Variants in DIAPH2 observed in about 807,000 individuals in gnomAD.
The protein encoded by DIAPH2 is protein diaphanous homolog 2.
DIAPH2 carries 35 observed loss-of-function variants against 92.7 expected under a neutral mutation model. That is an observed-to-expected ratio of 0.38 (90% CI 0.29 to 0.50). DIAPH2 has a LOEUF of 0.50. Ranked by LOEUF, DIAPH2 falls within the 20% of genes least tolerant of loss-of-function variation. The pLI, the probability that DIAPH2 is intolerant of heterozygous loss-of-function variation, is 0.94. For synonymous variants in DIAPH2, 301 were observed against 280.4 expected, an observed-to-expected ratio of 1.07 and a Z score of -0.73; for missense variants, 701 against 819.5, an observed-to-expected ratio of 0.86 and a Z score of 1.77.
intron 1 of DIAPH2, among the ~76,000 whole-genome samples, chrX:96,723,081 A>G (rs930837990): frequency 3.6e-5 from 4 of 111,676 alleles, no homozygotes; most frequent in African/African-American, 1.3e-4. Flanking sequence ...CTTCCTAAAA[A>G]AAGTGATCAC....
chrX:97,064,270 T>C (rs956713719), intron 17 of DIAPH2, among the ~76,000 whole-genome samples: 3 of 112,006 alleles, frequency 2.7e-5, no homozygotes, highest in Non-Finnish European at 5.6e-5. Context: ...TGGTTGATTC[T>C]GGGAGTCTTT....
intron 22 of DIAPH2, among the ~76,000 whole-genome samples, chrX:97,198,952 C>T (rs1375830168): frequency 1.8e-5 from 2 of 110,150 alleles, no homozygotes; most frequent in African/African-American, 6.6e-5. Flanking sequence ...ACATGTGAGC[C>T]ATGGCCAAAC....
intron 4 of DIAPH2, among the ~76,000 whole-genome samples, chrX:96,809,518 CTT>C (rs374932187): frequency 9.9e-6 from 1 of 101,357 alleles, no homozygotes. Flanking sequence ...TTCTTTCTTT[CTT>C]TTTTTTTTTA....
intron 4 of DIAPH2, among the ~76,000 whole-genome samples, chrX:96,830,719 A>G (rs913539979): frequency 1.4e-4 from 16 of 111,196 alleles, no homozygotes; most frequent in African/African-American, 4.6e-4. Flanking sequence ...ACAGAATTAA[A>G]TAATTGGAGA....
intron 26 of DIAPH2, among the ~76,000 whole-genome samples, chrX:97,554,901 C>T (rs1465974184): frequency 9.0e-6 from 1 of 111,471 alleles, no homozygotes; most frequent in Non-Finnish European, 1.9e-5. Context: ...TGTCTCAACG[C>T]TGGCCCACAA....
chrX:96,784,383 A>G (rs1199841546), intron 4 of DIAPH2, among the ~76,000 whole-genome samples: 1 of 112,085 alleles, frequency 8.9e-6, no homozygotes, highest in Non-Finnish European at 1.9e-5. Context: ...GATTTCTTGT[A>G]GTTATAGATA....
intron 22 of DIAPH2, among the ~76,000 whole-genome samples, chrX:97,222,712 C>T (rs560958232): frequency 1.8e-5 from 2 of 111,888 alleles, no homozygotes; most frequent in African/African-American, 3.2e-5. Flanking sequence ...TCATATAATC[C>T]GTCTTTATTC....
chrX:96,884,176 A>G, intron 5 of DIAPH2: 1 of 491,419 alleles, frequency 2.0e-6, no homozygotes, highest in Non-Finnish European at 3.3e-6. Context: ...GCCTCCCAGC[A>G]TTCAATCGTA....
chrX:96,710,930 A>G (rs1199415977), intron 1 of DIAPH2, among the ~76,000 whole-genome samples: 1 of 111,656 alleles, frequency 9.0e-6, no homozygotes, highest in Non-Finnish European at 1.9e-5. Flanking sequence ...AGTGAGAATA[A>G]ATGATGTTTG....
At chrX:96,983,296 T>C (rs2147842132) in intron 17 of DIAPH2, among the ~76,000 whole-genome samples, 1 of 111,498 alleles carries the variant, frequency 9.0e-6, no homozygotes, top group South Asian at 3.8e-4. Flanking sequence ...GGATAGAGTT[T>C]GTGGCCATGG....
chrX:97,234,636 G>T (rs1188270971), intron 22 of DIAPH2, among the ~76,000 whole-genome samples: 1 of 111,938 alleles, frequency 8.9e-6, no homozygotes, highest in Admixed American at 9.5e-5. Context: ...GATGGACCTG[G>T]CTGTTTTTCA....
At chrX:97,468,247 G>A (rs1259051924) in intron 26 of DIAPH2, among the ~76,000 whole-genome samples, 1 of 111,352 alleles carries the variant, frequency 9.0e-6, no homozygotes, top group East Asian at 2.8e-4. Flanking sequence ...CTATGAGCAC[G>A]GCTGCTGCTC....
chrX:96,734,851 A>ATT (rs35336655), intron 1 of DIAPH2, among the ~76,000 whole-genome samples: 42 of 105,380 alleles, frequency 4.0e-4, no homozygotes, highest in African/African-American at 1.3e-3. Context: ...AGAAGACCCT[A>ATT]TTTTTTTTTT....
rs189846650 is a variant in DIAPH2 at position 96,834,232 on chromosome X, A to C, written c.448-47347A>C. Among the ~76,000 whole-genome samples the C allele has an allele frequency of 4.5e-5, 5 of 111,758 alleles. No individual in the cohort carries two copies. In the Admixed American group the frequency reaches 4.8e-4, roughly 11 times the overall value. On this transcript the variant is annotated intron_variant, in intron 4 of 26. Coordinates refer to ENST00000324765, the MANE Select transcript of DIAPH2 (RefSeq NM_006729.5). Reference sequence around the variant, plus strand: ...TGAAATACTCATTAGAATATTTCTGATTTGGGAATTTTGGGTTAGTGATGC... The same window carrying C: ...TGAAATACTCATTAGAATATTTCTGCTTTGGGAATTTTGGGTTAGTGATGC...
chrX:97,429,809 CCA>C, intron 26 of DIAPH2, 64 bp downstream of exon 26: 1 of 946,795 alleles, frequency 1.1e-6, no homozygotes, highest in Non-Finnish European at 1.4e-6. Context: ...AGTAGCAACA[CCA>C]AAAAAAAAAA....
At chrX:96,906,730 G>A (rs759725761) in intron 5 of DIAPH2, among the ~76,000 whole-genome samples, 45 of 112,160 alleles carry the variant, frequency 4.0e-4, no homozygotes, top group African/African-American at 1.4e-3. Context: ...TCCAATGATG[G>A]ATGATGGAAT....
rs1253499806 is a variant in DIAPH2, at chrX:97,272,563, GTTCA to G, written c.2844+24731_2844+24734del. On this transcript the variant is annotated intron_variant, in intron 23 of 26. Transcript: ENST00000324765. Reference sequence around the variant, plus strand: ...ACTAAAATATAATGGAATGGGAGAGGTTCATTCATTATGTTAGAGATTTGGATAG... The same window carrying G: ...ACTAAAATATAATGGAATGGGAGAGGTTCATTATGTTAGAGATTTGGATAG... Among the ~76,000 whole-genome samples, 6 of 111,601 alleles carry G rather than the reference GTTCA, an allele frequency of 5.4e-5. No homozygotes were observed. The East Asian group carries it at 1.7e-3, about 31-fold the overall frequency.
chrX:97,542,158 G>A (rs2071145282), intron 26 of DIAPH2, among the ~76,000 whole-genome samples: 1 of 112,369 alleles, frequency 8.9e-6, no homozygotes, highest in Non-Finnish European at 1.9e-5. Flanking sequence ...TATCCGATAG[G>A]CATGAGATTA....
chrX:97,458,999 T>C (rs1235475728), intron 26 of DIAPH2, among the ~76,000 whole-genome samples: 1 of 111,976 alleles, frequency 8.9e-6, no homozygotes, highest in Non-Finnish European at 1.9e-5. Context: ...TATTAACTTC[T>C]ACCAATCTCC....
Sources: gnomAD v4.1 joint callset for allele counts (sites outside exome capture counted in the v4.1 genomes callset) on GRCh38, gnomAD v4.1.1 for gene constraint, MANE v1.5 for transcripts, NCBI Gene and HGNC (gene_info 2026-07-23, HGNC 2026-07-21) for gene names.